Variants in LYPLAL1 observed in about 807,000 individuals in gnomAD.
The protein encoded by LYPLAL1 is lysophospholipase like 1, also known as lysophospholipase-like protein 1.
Under a neutral mutation model 19.7 loss-of-function variants are expected in LYPLAL1, and 23 were observed. The observed-to-expected ratio is 1.17, with a 90% confidence interval of 0.84 to 1.65. LYPLAL1 has a LOEUF of 1.65. Among genes scored for constraint, LYPLAL1 ranks in the 40% most tolerant of loss-of-function variants. The probability of loss-of-function intolerance (pLI) is 0.00; values close to 1 mark genes in which losing one functional copy is unlikely to be tolerated. For missense variants in LYPLAL1, 355 were observed against 279.4 expected (o/e 1.27, Z -1.93); for synonymous variants, 119 against 96.3 (o/e 1.24, Z -1.38).
the LYPLAL1 span, among the ~76,000 whole-genome samples, chr1:219,220,958 G>A: frequency 1.3e-5 from 2 of 152,148 alleles, no homozygotes; most frequent in African/African-American, 4.8e-5. Context: ...CAACCCCTAG[G>A]AGACGTCACA....
At chr1:219,255,490 T>C in the LYPLAL1 span, among the ~76,000 whole-genome samples, 713 of 152,072 alleles carry the variant, frequency 4.7e-3, 8 homozygotes, top group African/African-American at 0.016. Flanking sequence ...TTAATTCTAG[T>C]AGTTTGGTTA....
At chr1:219,254,142 T>C in the LYPLAL1 span, among the ~76,000 whole-genome samples, 4 of 152,028 alleles carry the variant, frequency 2.6e-5, no homozygotes, top group African/African-American at 9.7e-5. Context: ...TAGGTTTTCC[T>C]CTATCCCTTT....
At chr1:219,311,535 T>TC in the LYPLAL1 span, among the ~76,000 whole-genome samples, 2 of 3,584 alleles carry the variant, frequency 5.6e-4, no homozygotes, top group African/African-American at 8.4e-4. Flanking sequence ...GTTGTAGGTG[T>TC]TTTTTTTTTT....
the LYPLAL1 span, among the ~76,000 whole-genome samples, chr1:219,327,799 T>G: frequency 6.6e-6 from 1 of 152,136 alleles, no homozygotes; most frequent in Admixed American, 6.5e-5. Context: ...GGGAAACCCC[T>G]TTCACTTGGT....
At chr1:219,248,332 CCA>C in the LYPLAL1 span, among the ~76,000 whole-genome samples, 1 of 152,070 alleles carries the variant, frequency 6.6e-6, no homozygotes, top group Non-Finnish European at 1.5e-5. Context: ...AGGATGTTTG[CCA>C]CACCTGGCTC....
At chr1:219,416,764 T>G in the LYPLAL1 span, among the ~76,000 whole-genome samples, 1 of 152,186 alleles carries the variant, frequency 6.6e-6, no homozygotes, top group African/African-American at 2.4e-5. Context: ...TGTGAGTGCC[T>G]TATGCTAGTG....
the LYPLAL1 span, among the ~76,000 whole-genome samples, chr1:219,428,802 A>G: frequency 1.3e-5 from 2 of 152,130 alleles, no homozygotes; most frequent in African/African-American, 2.4e-5. Context: ...CTGGCATGTC[A>G]TTCCTTTTCT....
chr1:219,356,143 T>C, the LYPLAL1 span, among the ~76,000 whole-genome samples: 1 of 152,050 alleles, frequency 6.6e-6, no homozygotes, highest in Admixed American at 6.6e-5. Context: ...AAAAGGTCCA[T>C]GTAAGCAGGT....
the LYPLAL1 span, among the ~76,000 whole-genome samples, chr1:219,336,761 C>G: frequency 6.6e-6 from 1 of 151,952 alleles, no homozygotes. Flanking sequence ...AACCAATCAG[C>G]TTGGGAAATG....
chr1:219,310,653 G>A, the LYPLAL1 span, among the ~76,000 whole-genome samples: 10 of 152,150 alleles, frequency 6.6e-5, no homozygotes, highest in Non-Finnish European at 2.9e-5. Flanking sequence ...GAGTAGGGGG[G>A]AAATGAAATA....
the LYPLAL1 span, among the ~76,000 whole-genome samples, chr1:219,386,789 C>T: frequency 1.3e-5 from 2 of 152,132 alleles, no homozygotes; most frequent in Non-Finnish European, 1.5e-5. Context: ...CCTACAAACA[C>T]GACCATCTTT....
chr1:219,249,277 T>G, the LYPLAL1 span, among the ~76,000 whole-genome samples: 1 of 152,088 alleles, frequency 6.6e-6, no homozygotes, highest in Non-Finnish European at 1.5e-5. Context: ...GTGGCTTATT[T>G]TCTCTGGTAT....
At chr1:219,382,116 G>T in the LYPLAL1 span, among the ~76,000 whole-genome samples, 1 of 152,184 alleles carries the variant, frequency 6.6e-6, no homozygotes, top group Non-Finnish European at 1.5e-5. Flanking sequence ...ACACAGTCAG[G>T]GAGGAAAGCA....
Position 219,210,513 on chromosome 1 carries a change from A to C in LYPLAL1, c.362-19A>C, listed in dbSNP as rs1658930557. ...TATTATTTTATGTATTCTACTTTTA[A>C]GTATGTTTTTGTTTTTAGGAGGATT... On this transcript the variant is annotated intron_variant, in intron 3 of 4. Coordinates refer to ENST00000366928, the MANE Select transcript of LYPLAL1 (RefSeq NM_138794.5). 7.3e-7 allele frequency: 1 copy of C among 1,364,850 alleles called. No individual in the cohort carries two copies. 84.5% of individuals were successfully genotyped at this position (1,364,850 alleles called of 1,614,324 possible).
chr1:219,276,783 G>A, the LYPLAL1 span, among the ~76,000 whole-genome samples: 14 of 152,178 alleles, frequency 9.2e-5, no homozygotes, highest in Admixed American at 2.6e-4. Flanking sequence ...TGGAAAAGGA[G>A]AAGTACGGAG....
At chr1:219,235,059 A>T in the LYPLAL1 span, among the ~76,000 whole-genome samples, 6 of 152,176 alleles carry the variant, frequency 3.9e-5, no homozygotes, top group Non-Finnish European at 7.3e-5. Flanking sequence ...AACATAATAC[A>T]AGATCTGTCA....
At chr1:219,213,156 G>A (rs1360493060), downstream of LYPLAL1, among the ~76,000 whole-genome samples, 2 of 151,920 alleles carry the variant, frequency 1.3e-5, no homozygotes, top group East Asian at 3.9e-4. Flanking sequence ...GATTAACAGT[G>A]TCTCAGCACT....
At chr1:219,318,301 C>T in the LYPLAL1 span, among the ~76,000 whole-genome samples, 1 of 152,096 alleles carries the variant, frequency 6.6e-6, no homozygotes, top group African/African-American at 2.4e-5. Context: ...GTGTCACTCT[C>T]CCAGGAAGTC....
the LYPLAL1 span, among the ~76,000 whole-genome samples, chr1:219,326,801 A>G: frequency 6.6e-6 from 1 of 152,162 alleles, no homozygotes; most frequent in Non-Finnish European, 1.5e-5. Flanking sequence ...CTGGATACCA[A>G]ACAGGTTGCG....
Sources: gnomAD v4.1 joint callset for allele counts (sites outside exome capture counted in the v4.1 genomes callset) on GRCh38, gnomAD v4.1.1 for gene constraint, MANE v1.5 for transcripts, NCBI Gene and HGNC (gene_info 2026-07-23, HGNC 2026-07-21) for gene names.